Variants in MIA2 observed in about 807,000 individuals in gnomAD.
MIA2 encodes melanoma inhibitory activity protein 2.
Under a neutral mutation model 167.8 loss-of-function variants are expected in MIA2, and 127 were observed. That is an observed-to-expected ratio of 0.76 (90% CI 0.66 to 0.88). MIA2 has a LOEUF of 0.88. MIA2 is among the 40% of genes least tolerant of loss of function. The pLI, the probability that MIA2 is intolerant of heterozygous loss-of-function variation, is 0.00. For missense variants in MIA2, 1,690 were observed against 1,624.7 expected, an observed-to-expected ratio of 1.04 and a Z score of -0.69; for synonymous variants, 552 against 541.9, an observed-to-expected ratio of 1.02 and a Z score of -0.26.
intron 14 of MIA2, 121 bp downstream of exon 14, chr14:39,300,107 C>A: frequency 7.8e-7 from 1 of 1,278,432 alleles, no homozygotes; most frequent in Non-Finnish European, 1.1e-6. Flanking sequence ...CATATTTGGC[C>A]AGATTTTCAA....
At chr14:39,234,507 A>G (rs1465965492) in intron 1 of MIA2, among the ~76,000 whole-genome samples, 1 of 152,166 alleles carries the variant, frequency 6.6e-6, no homozygotes, top group Non-Finnish European at 1.5e-5. Flanking sequence ...AGATTAATCT[A>G]GGAGTCTCTG....
intron 14 of MIA2, among the ~76,000 whole-genome samples, chr14:39,301,011 C>CATATATACATATATACAT (rs1566819616): frequency 1.3e-3 from 193 of 149,100 alleles, no homozygotes; most frequent in African/African-American, 4.6e-3. Flanking sequence ...CATATATACA[C>CATATATACATATATACAT]ATATATACAC....
At chr14:39,382,609 G>A (rs887390208) in intron 23 of MIA2, among the ~76,000 whole-genome samples, 2 of 152,180 alleles carry the variant, frequency 1.3e-5, no homozygotes, top group African/African-American at 4.8e-5. Flanking sequence ...AGTCAATTAT[G>A]CATTTGTCTC....
At position 39,388,434 on chromosome 14, in the gene MIA2, A is replaced by G. The variant is rs78565585; in HGVS notation, c.*1482A>G. The G allele has an allele frequency of 6.3e-3, 961 of 152,282 alleles. 4 individuals are homozygous for G. Among genetic ancestry groups the G allele is most frequent in the Non-Finnish European group, 0.011 (737 of 68,076 alleles). The allele number at this position is 152,282 out of a possible 1,614,324, so 9.4% of individuals were successfully genotyped here. On this transcript the variant is annotated 3_prime_UTR_variant, in exon 24 of 24. Coordinates refer to the MIA2 transcript ENST00000341502. The surrounding 1 kb of genome is among the most constrained non-coding windows in gnomAD (Gnocchi z 4.1). ...TTTCCCTCTGAAAAATGTTTTCCAG[A>G]GATGTAGTGATATTGTGATATTAAT... is the stretch of plus-strand genomic sequence containing the variant.
In MIA2 at chr14:39,280,340, G is replaced by GT. The variant is rs945478243; in HGVS notation, c.2130+813dup. Among the ~76,000 whole-genome samples the GT allele has an allele frequency of 4.5e-4, 66 of 147,898 alleles. No individual in the cohort carries two copies. The South Asian group carries it at 4.7e-3, about 11-fold the overall frequency. ...AGTTACTGTGAACATTCTTCTACAAGTTTTTTTTTTGTGGGCATGTATTTT... is the reference window on the plus strand; with the variant it reads ...AGTTACTGTGAACATTCTTCTACAAGTTTTTTTTTTTGTGGGCATGTATTTT... On this transcript the variant is annotated intron_variant, in intron 9 of 28. Transcript: ENST00000640607.
In MIA2 at chr14:39,386,292, T is replaced by C. The variant is rs377626552; in HGVS notation, c.2249-593T>C. 2.2e-4 allele frequency: 322 copies of C among 1,470,906 alleles called. 6 individuals carry two copies. The East Asian group carries it at 5.8e-3, about 27-fold the overall frequency. 91.1% of individuals were successfully genotyped at this position (1,470,906 alleles called of 1,614,324 possible). ...GTCGGTAATTTCTCTGAGGAATTTC[T>C]GGCCTCCAAAGTGACTGTGCTGGGA... On this transcript the variant is annotated intron_variant, in intron 23 of 23. Transcript: ENST00000341502.
At position 39,320,918 on chromosome 14, in the gene MIA2, A is replaced by G; in HGVS notation, c.3368-10A>G. The G allele has an allele frequency of 6.2e-7, 1 of 1,608,748 alleles. No homozygotes were observed. Among genetic ancestry groups the G allele is most frequent in the Non-Finnish European group, 8.5e-7 (1 of 1,178,538 alleles). On this transcript the variant is annotated splice_polypyrimidine_tract_variant and intron_variant, in intron 23 of 28. Coordinates refer to ENST00000640607, the MANE Select transcript of MIA2 (RefSeq NM_001329214.4). ...CTATGAATTTAAATATGCTGTTTTA[A>G]TTATTCCAGAGCATTCCCCATATGG...
chr14:39,341,921 T>G (rs2071967341), intron 25 of MIA2, among the ~76,000 whole-genome samples: 1 of 152,154 alleles, frequency 6.6e-6, no homozygotes, highest in Admixed American at 6.5e-5. Flanking sequence ...ATTCTAACAC[T>G]CTTAAGAGTG....
intron 6 of MIA2, among the ~76,000 whole-genome samples, chr14:39,275,427 C>T (rs997246356): frequency 2.0e-5 from 3 of 152,174 alleles, no homozygotes; most frequent in South Asian, 2.1e-4. Context: ...CCACTGCGCC[C>T]GGCCCTAGCT....
chr14:39,370,568 A>G, intron 23 of MIA2: 1 of 377,090 alleles, frequency 2.7e-6, no homozygotes, highest in Non-Finnish European at 5.5e-6. Context: ...GTGTTGCTGA[A>G]GCCGCATTGG....
chr14:39,298,004 A>T (rs1205759858), intron 13 of MIA2, among the ~76,000 whole-genome samples: 3 of 151,102 alleles, frequency 2.0e-5, no homozygotes, highest in Admixed American at 6.6e-5. Context: ...TTCTACAATT[A>T]TTTTTTGTCT....
intron 6 of MIA2, among the ~76,000 whole-genome samples, chr14:39,265,016 C>T (rs550375638): frequency 6.6e-6 from 1 of 152,102 alleles, no homozygotes; most frequent in Middle Eastern, 3.4e-3. Flanking sequence ...ATCATGTACT[C>T]TATATGAATA....
chr14:39,234,036 C>T lies in MIA2; in HGVS notation c.-79C>T. ...ATAGTTAGTGAAGAGAGTAGAATAT[C>T]TCCAGTTTTGGCTGACATCTCTACA... On this transcript the variant is annotated 5_prime_UTR_variant, in exon 1 of 29. Coordinates refer to ENST00000640607, the MANE Select transcript of MIA2 (RefSeq NM_001329214.4). 1.3e-6 allele frequency: 1 copy of T among 779,888 alleles called. No individual in the cohort carries two copies. Among genetic ancestry groups the T allele is most frequent in the Admixed American group, 2.7e-5 (1 of 37,514 alleles). 48.3% of individuals were successfully genotyped at this position (779,888 alleles called of 1,614,324 possible). A position where few individuals can be genotyped will look rare whatever the true frequency, so the allele number is the denominator to read the frequency against.
At chr14:39,382,313 A>T (rs553733068) in intron 23 of MIA2, among the ~76,000 whole-genome samples, 22 of 152,338 alleles carry the variant, frequency 1.4e-4, no homozygotes, top group African/African-American at 4.8e-4. Flanking sequence ...GCTGGTACCA[A>T]GCATCGATAG....
intron 6 of MIA2, among the ~76,000 whole-genome samples, chr14:39,260,729 A>G (rs149140760): frequency 0.011 from 1,632 of 152,214 alleles, 31 homozygotes; most frequent in African/African-American, 0.036. Context: ...TCATTTGTCA[A>G]TTTTGGCTTT....
chr14:39,349,020 T>G, intron 28 of MIA2, 43 bp downstream of exon 28: 1 of 1,569,274 alleles, frequency 6.4e-7, no homozygotes, highest in Non-Finnish European at 8.8e-7. Context: ...AATATGTGGT[T>G]TATTAATCGG....
chr14:39,330,965 G>T (rs1287367556), intron 25 of MIA2, among the ~76,000 whole-genome samples: 12 of 152,136 alleles, frequency 7.9e-5, no homozygotes, highest in Admixed American at 7.2e-4. Flanking sequence ...TTCTGTAGTT[G>T]TCTGTTAGGT....
intron 24 of MIA2, among the ~76,000 whole-genome samples, chr14:39,326,508 T>C (rs114098195): frequency 1.6e-3 from 244 of 152,070 alleles, no homozygotes; most frequent in African/African-American, 5.6e-3. Context: ...AGAATAGATA[T>C]AGAACTGCTA....
Position 39,306,659 on chromosome 14 carries a change from T to G in MIA2, c.2879-1790T>G, listed in dbSNP as rs2063389729. Among the ~76,000 whole-genome samples, 7 of 152,334 alleles carry G rather than the reference T, an allele frequency of 4.6e-5. No homozygotes were observed. In the South Asian group the frequency reaches 1.4e-3, roughly 32 times the overall value. ...AGGGTTTTAGAATAATTAAATACCA[T>G]TACATGTAATTACTAAAATTTTCAT... On this transcript the variant is annotated intron_variant, in intron 17 of 28. Coordinates refer to ENST00000640607, the MANE Select transcript of MIA2 (RefSeq NM_001329214.4).
Sources: allele counts gnomAD v4.1 joint callset (sites outside exome capture counted in the v4.1 genomes callset), GRCh38; gene constraint gnomAD v4.1.1; non-coding constraint Gnocchi (gnomAD v3.1); transcripts MANE v1.5; gene names NCBI Gene and HGNC (gene_info 2026-07-23, HGNC 2026-07-21).